Variants in SHPRH observed in about 807,000 individuals in gnomAD.
SHPRH encodes the protein E3 ubiquitin-protein ligase SHPRH.
In SHPRH, 106 loss-of-function variants were observed where a neutral mutation model predicts 202.5. That is an observed-to-expected ratio of 0.52 (90% CI 0.45 to 0.62). The LOEUF is 0.62. Among genes scored for constraint, SHPRH ranks in the 20% least tolerant of loss-of-function variants. The pLI is 0.00. For synonymous variants in SHPRH, 729 were observed against 686.0 expected, an observed-to-expected ratio of 1.06 and a Z score of -0.98; for missense variants, 1,710 against 2,020.0, an observed-to-expected ratio of 0.85 and a Z score of 2.94.
chr6:145,941,411 T>C (rs1456195080), intron 10 of SHPRH, among the ~76,000 whole-genome samples: 2 of 152,230 alleles, frequency 1.3e-5, no homozygotes, highest in African/African-American at 4.8e-5. Flanking sequence ...ATATTTCATA[T>C]AGAGCAATGA....
chr6:145,890,068 T>C (rs867341141), intron 28 of SHPRH, among the ~76,000 whole-genome samples: 2 of 152,128 alleles, frequency 1.3e-5, no homozygotes, highest in African/African-American at 4.8e-5. Context: ...TCTTACTAAT[T>C]CTCCCATTTG....
Position 145,933,130 on chromosome 6 carries a change from T to C in SHPRH, c.3039A>G (p.Gly1013=), listed in dbSNP as rs780693035. The C allele has an allele frequency of 6.2e-7, 1 of 1,613,882 alleles. No individual in the cohort carries two copies. Among genetic ancestry groups the C allele is most frequent in the Admixed American group, 1.7e-5 (1 of 60,000 alleles). ...GTCGATGTGCTTCTTCACATTCAGT[T>C]CCACATTTCTTCTGCAAAGATGTCA... ...ELLTSLQKKC[G]TECEEAHRQL... The change falls in exon 14 of 30, where the codon GGA becomes GGG. Residue 1013 remains glycine, a synonymous_variant. Transcript: ENST00000275233.
intron 26 of SHPRH, 103 bp downstream of exon 26, chr6:145,894,782 A>C (rs921866108): frequency 1.0e-6 from 1 of 978,394 alleles, no homozygotes; most frequent in African/African-American, 1.7e-5. Flanking sequence ...ATTTGGGAAA[A>C]AAAATCTAAG....
At chr6:145,868,338 C>G (rs1180413579) in intron 2 of SHPRH, among the ~76,000 whole-genome samples, 1 of 152,140 alleles carries the variant, frequency 6.6e-6, no homozygotes, top group Middle Eastern at 3.2e-3. Flanking sequence ...AGTGGAGATA[C>G]AATTCATCCC....
In SHPRH at chr6:145,918,161, C is replaced by T. The variant is rs367577101; in HGVS notation, c.4224G>A (p.Gly1408=). The change falls in exon 23 of 30, where the codon GGG becomes GGA. Residue 1408 remains glycine, a synonymous_variant. Coordinates refer to ENST00000275233, the MANE Select transcript of SHPRH (RefSeq NM_001042683.3). Reference sequence around the variant, plus strand: ...CCAAATTAGTTAGGTAAAGAAGCTGCCCAAGTTTTTTCTGAAGCTGTGATG... The same window carrying T: ...CCAAATTAGTTAGGTAAAGAAGCTGTCCAAGTTTTTTCTGAAGCTGTGATG... ...VATSQLQKKL[G]QLLYLTNLEK... is the part of the protein sequence containing the mutation. 684 of 1,606,096 alleles carry T rather than the reference C, an allele frequency of 4.3e-4. 3 individuals carry two copies. Among genetic ancestry groups the T allele is most frequent in the Middle Eastern group, 1.3e-3 (8 of 6,016 alleles).
rs573202035 is a variant in SHPRH at position 145,963,978 on chromosome 6, G to C, written c.-280C>G. Reference sequence around the variant, plus strand: ...GGAGGGACGTGGTGGTCCGAAGTTCGCTAGTCCGGGATCGGGAAGAGGTGG... The same window carrying C: ...GGAGGGACGTGGTGGTCCGAAGTTCCCTAGTCCGGGATCGGGAAGAGGTGG... On this transcript the variant is annotated 5_prime_UTR_variant, in exon 1 of 30. Coordinates refer to ENST00000275233, the MANE Select transcript of SHPRH (RefSeq NM_001042683.3). The C allele has an allele frequency of 6.6e-6, 1 of 152,444 alleles. No individual in the cohort carries two copies. Among genetic ancestry groups the C allele is most frequent in the South Asian group, 2.1e-4 (1 of 4,828 alleles). 9.4% of individuals were successfully genotyped at this position (152,444 alleles called of 1,614,324 possible). A position where few individuals can be genotyped will look rare whatever the true frequency, so the allele number is the denominator to read the frequency against.
At chr6:145,874,047 A>G (rs1780184963) in intron 2 of SHPRH, among the ~76,000 whole-genome samples, 1 of 151,878 alleles carries the variant, frequency 6.6e-6, no homozygotes, top group South Asian at 2.1e-4. Flanking sequence ...AAAAATACAA[A>G]ATTAGCGGCG....
In SHPRH at chr6:145,914,454, T is replaced by A. The variant is rs545222462; in HGVS notation, c.4255-905A>T. 3.9e-5 allele frequency among the ~76,000 whole-genome samples: 6 copies of A among 152,284 alleles called. No individual in the cohort carries two copies. The East Asian group carries it at 1.2e-3, about 29-fold the overall frequency. On this transcript the variant is annotated intron_variant, in intron 23 of 29. Transcript: ENST00000275233. ...GAGATTATAAATATTTTAGGCCTTG[T>A]GGGCCATATGATCTGTGTTGTAACA...
intron 14 of SHPRH, 59 bp from the exon 15 acceptor site, chr6:145,927,336 A>C: frequency 8.6e-6 from 12 of 1,393,756 alleles, no homozygotes; most frequent in African/African-American, 1.4e-5. Context: ...TCCCAATGTC[A>C]TCTAGTTGTC....
downstream of SHPRH, among the ~76,000 whole-genome samples, chr6:145,863,176 T>C (rs999798465): frequency 6.6e-6 from 1 of 152,156 alleles, no homozygotes; most frequent in Non-Finnish European, 1.5e-5. Flanking sequence ...ATATATCTCA[T>C]TGGAAGTGCT....
chr6:145,918,730 T>C (rs1784164527), intron 22 of SHPRH: 1 of 152,786 alleles, frequency 6.5e-6, no homozygotes, highest in African/African-American at 2.4e-5. Flanking sequence ...AGTGAGATAG[T>C]ATATAATGAA....
chr6:145,860,825 G>A (rs556701017), downstream of SHPRH, among the ~76,000 whole-genome samples: 1 of 152,078 alleles, frequency 6.6e-6, no homozygotes, highest in Non-Finnish European at 1.5e-5. Context: ...ACAGAATAGA[G>A]AGCCCAGAAA....
intron 2 of SHPRH, among the ~76,000 whole-genome samples, chr6:145,872,091 C>T (rs981348903): frequency 2.0e-5 from 3 of 152,084 alleles, no homozygotes; most frequent in Admixed American, 2.0e-4. Flanking sequence ...ACTATAAAAA[C>T]ACTAGAAGAA....
In SHPRH at chr6:145,950,416, T is replaced by A; in HGVS notation, c.830A>T (p.Tyr277Phe). ...CTGATGTGTTTGTTTCACAAAGTGA[T>A]ACAGCTCGTCAATGTCTTGTCCCTC... ...EPEGQDIDEL[Y>F]HFVKQTHQQE... Residue 277 changes from tyrosine to phenylalanine, a missense_variant, in exon 4 of 30, where the codon TAT becomes TTT. Physicochemically the swap from Tyr to Phe is conservative, Grantham distance 22. This residue lies in a region of SHPRH where 459 missense variants were observed against 426.5 expected (regional missense o/e 1.08). Transcript: ENST00000275233. The A allele has an allele frequency of 2.5e-6, 4 of 1,613,334 alleles. No individual in the cohort carries two copies. Among genetic ancestry groups the A allele is most frequent in the Non-Finnish European group, 3.4e-6 (4 of 1,179,452 alleles).
rs561026779 is a variant in SHPRH at position 145,945,402 on chromosome 6, T to A, written c.1557A>T (p.Ile519=). 4 of 1,612,142 alleles carry A rather than the reference T, an allele frequency of 2.5e-6. No individual in the cohort carries two copies. In the South Asian group the frequency reaches 4.4e-5, roughly 18 times the overall value. Residue 519 remains isoleucine, a synonymous_variant, in exon 8 of 30, where the codon ATA becomes ATT. Transcript: ENST00000275233. ...TTACCTGCTTTTTTGTTTTATCACATATATCCTCTTCCTTGTAATTCTTTC... is the reference window on the plus strand; with the variant it reads ...TTACCTGCTTTTTTGTTTTATCACAAATATCCTCTTCCTTGTAATTCTTTC... ...TLGKNYKEED[I]CDKTKKQAVG...
chr6:145,922,602 C>T (rs1320678016), intron 19 of SHPRH, 61 bp downstream of exon 19: 15 of 1,513,144 alleles, frequency 9.9e-6, no homozygotes, highest in African/African-American at 1.4e-5. Flanking sequence ...TGTTTCTTCT[C>T]TAAGAAATCT....
At chr6:145,883,076 G>A (rs1161213222), downstream of SHPRH, 1 of 152,172 alleles carries the variant, frequency 6.6e-6, no homozygotes, top group East Asian at 1.9e-4. Flanking sequence ...GTTTGGAAAG[G>A]CAGACCATTT....
At chr6:145,942,552 A>C (rs1267322774) in intron 9 of SHPRH, among the ~76,000 whole-genome samples, 1 of 152,194 alleles carries the variant, frequency 6.6e-6, no homozygotes, top group East Asian at 1.9e-4. Flanking sequence ...ACTTGCATGG[A>C]AAGAAGGAAG....
At chr6:145,943,837 T>G in intron 8 of SHPRH, 35 bp from the exon 9 acceptor site, 76 of 1,466,488 alleles carry the variant, frequency 5.2e-5, no homozygotes, top group Non-Finnish European at 6.9e-5. Context: ...TGATTGCAAC[T>G]AGTTGCATTT....
Sources: gnomAD v4.1 joint callset for allele counts (sites outside exome capture counted in the v4.1 genomes callset) on GRCh38, gnomAD v4.1.1 for gene constraint, gnomAD v4.1.1 regional missense constraint, MANE v1.5 for transcripts, NCBI Gene and HGNC (gene_info 2026-07-23, HGNC 2026-07-21) for gene names.